Variants in IL17RD observed in about 807,000 individuals in gnomAD.
IL17RD encodes interleukin-17 receptor D.
In IL17RD, 52 loss-of-function variants were observed where a neutral mutation model predicts 80.5. That is an observed-to-expected ratio of 0.65 (90% CI 0.52 to 0.81). The LOEUF is 0.81. Ranked by LOEUF, IL17RD falls within the 40% of genes least tolerant of loss-of-function variation. The pLI is 0.00. For synonymous variants in IL17RD, 416 were observed against 391.8 expected (o/e 1.06, Z -0.73); for missense variants, 1,024 against 955.1 (o/e 1.07, Z -0.95).
chr3:57,155,252 G>A (rs953725517), intron 1 of IL17RD, among the ~76,000 whole-genome samples: 2 of 152,228 alleles, frequency 1.3e-5, no homozygotes, highest in African/African-American at 2.4e-5. Flanking sequence ...GATTTGTTCC[G>A]TTCACATCGT....
chr3:57,130,948 G>A (rs780494535), intron 1 of IL17RD, among the ~76,000 whole-genome samples: 4 of 152,136 alleles, frequency 2.6e-5, no homozygotes, highest in Non-Finnish European at 4.4e-5. Flanking sequence ...CCTGGGAGCC[G>A]GACACAGCAA....
intron 1 of IL17RD, among the ~76,000 whole-genome samples, chr3:57,141,872 C>T (rs957563578): frequency 1.3e-5 from 2 of 152,210 alleles, no homozygotes; most frequent in African/African-American, 4.8e-5. Context: ...TCTTCCACCG[C>T]AGGCCTTGGG....
At chr3:57,162,858 A>T (rs1024337453) in intron 1 of IL17RD, among the ~76,000 whole-genome samples, 4 of 152,206 alleles carry the variant, frequency 2.6e-5, no homozygotes, top group Non-Finnish European at 5.9e-5. Flanking sequence ...GTCTGATGAG[A>T]CTAAAGTGCA....
intron 1 of IL17RD, chr3:57,134,481 G>C: frequency 1.1e-6 from 1 of 940,894 alleles, no homozygotes; most frequent in Non-Finnish European, 1.7e-6. Context: ...TAAGAAGATT[G>C]ATCACCACAC....
intron 11 of IL17RD, among the ~76,000 whole-genome samples, chr3:57,100,742 A>G (rs1452985729): frequency 1.3e-5 from 2 of 152,072 alleles, no homozygotes; most frequent in African/African-American, 4.8e-5. Flanking sequence ...TCCCCTTCTC[A>G]GCAGAACTCC....
chr3:57,099,310 C>T (rs527385904), intron 11 of IL17RD, among the ~76,000 whole-genome samples: 6 of 152,306 alleles, frequency 3.9e-5, no homozygotes, highest in East Asian at 1.9e-4. Flanking sequence ...CCCCCAAAGG[C>T]GGTCTGGTAG....
chr3:57,110,565 G>C (rs946721382), intron 3 of IL17RD, among the ~76,000 whole-genome samples: 33 of 152,138 alleles, frequency 2.2e-4, no homozygotes, highest in Non-Finnish European at 4.0e-4. Context: ...AATACCTATT[G>C]CCTCTCTGGC....
chr3:57,169,367 T>C, upstream of IL17RD: 1 of 410,532 alleles, frequency 2.4e-6, no homozygotes, highest in Non-Finnish European at 5.0e-6. Flanking sequence ...CAAGAGACTG[T>C]CACCACCTCC....
rs1706707689 is a variant in IL17RD at position 57,097,557 on chromosome 3, G to T, written c.2107+39C>A. ...ACTGATTTCAGAAGCATGGTCAAAG[G>T]CTGCGGCCTGTTAGGACCCGGCCCC... On this transcript the variant is annotated intron_variant, in intron 12 of 12. Transcript: ENST00000296318. 2.7e-6 allele frequency: 4 copies of T among 1,461,616 alleles called. No homozygotes were observed. In the East Asian group the frequency reaches 9.8e-5, roughly 36 times the overall value. The allele number at this position is 1,461,616 out of a possible 1,614,324, so 90.5% of individuals were successfully genotyped here.
Position 57,090,667 on chromosome 3 carries a change from A to T in IL17RD, c.*5726T>A, listed in dbSNP as rs1706534645. ...TGATCCGCCCACCTTGGCCTCCCAA[A>T]ATGCTGGGATTACAGGCGTGAGCCA... On this transcript the variant is annotated 3_prime_UTR_variant, in exon 13 of 13. Coordinates refer to ENST00000296318, the MANE Select transcript of IL17RD (RefSeq NM_017563.5). 1 of 152,244 alleles carries T rather than the reference A, an allele frequency of 6.6e-6. No individual in the cohort carries two copies. The highest frequency in any genetic ancestry group is 1.5e-5 in the Non-Finnish European group (1 of 68,058). The allele number at this position is 152,244 out of a possible 1,614,324, so 9.4% of individuals were successfully genotyped here.
At chr3:57,155,099 TG>T (rs1220706966) in intron 1 of IL17RD, among the ~76,000 whole-genome samples, 1 of 152,196 alleles carries the variant, frequency 6.6e-6, no homozygotes, top group African/African-American at 2.4e-5. Flanking sequence ...AGAGCACCTC[TG>T]ATTATGGACA....
intron 2 of IL17RD, among the ~76,000 whole-genome samples, chr3:57,118,213 A>C (rs1707259220): frequency 6.6e-6 from 1 of 152,182 alleles, no homozygotes; most frequent in Non-Finnish European, 1.5e-5. Context: ...TGGATGTGCA[A>C]ATCTTTCATT....
rs771964220 is a variant in IL17RD at position 57,098,208 on chromosome 3, T to G, written c.1495A>C (p.Arg499=). 6.2e-7 allele frequency: 1 copy of G among 1,613,942 alleles called. No individual in the cohort carries two copies. The highest frequency in any genetic ancestry group is 8.5e-7 in the Non-Finnish European group (1 of 1,179,858). Residue 499 remains arginine (R), a synonymous_variant, in exon 12 of 13, where the codon AGA becomes CGA. Transcript: ENST00000296318. ...AGCTGAGGAAGATTGTCCATGAGTC[T>G]GTACTTGGTACTCAGGTCTAGGATA... ...PGILDLSTKY[R]LMDNLPQLCS...
chr3:57,144,868 T>C (rs1707895288), intron 1 of IL17RD, among the ~76,000 whole-genome samples: 2 of 152,202 alleles, frequency 1.3e-5, no homozygotes, highest in Non-Finnish European at 2.9e-5. Context: ...TGCTTCATGT[T>C]GGGGTTCCCA....
chr3:57,157,769 A>G (rs2060278307), intron 1 of IL17RD, among the ~76,000 whole-genome samples: 1 of 152,218 alleles, frequency 6.6e-6, no homozygotes, highest in South Asian at 2.1e-4. Flanking sequence ...AAGGGTTTCT[A>G]AACCATATGG....
At chr3:57,097,550 G>T in intron 12 of IL17RD, 46 bp downstream of exon 12, 1 of 1,448,870 alleles carries the variant, frequency 6.9e-7, no homozygotes, top group Non-Finnish European at 9.5e-7. Flanking sequence ...CAGAAGCATG[G>T]TCAAAGGCTG....
chr3:57,111,983 G>GAA lies in IL17RD; in HGVS notation c.311-1674_311-1673dup, dbSNP rs200325464. Among the ~76,000 whole-genome samples, 202 of 150,462 alleles carry GAA rather than the reference G, an allele frequency of 1.3e-3. 1 individual carries two copies. The highest frequency in any genetic ancestry group is 4.8e-3 in the African/African-American group (196 of 41,018). ...TCTCAAAAAAAAAAAAAGAAAGAAA[G>GAA]AAAAAAAAATTCATCAGTTGGGGTG... On this transcript the variant is annotated intron_variant, in intron 3 of 12. Transcript: ENST00000296318.
chr3:57,096,159 C>T lies in IL17RD; in HGVS notation c.*234G>A. On this transcript the variant is annotated 3_prime_UTR_variant, in exon 13 of 13. Coordinates refer to ENST00000296318, the MANE Select transcript of IL17RD (RefSeq NM_017563.5). ...CTAACCAAATTTGGCAAGCTGTTGT[C>T]AGACCTTATGGACATGCCTTTCAGA... is the stretch of plus-strand genomic sequence containing the variant. 1 of 510,036 alleles carries T rather than the reference C, an allele frequency of 2.0e-6. No homozygotes were observed. Among genetic ancestry groups the T allele is most frequent in the Non-Finnish European group, 3.6e-6 (1 of 281,048 alleles). 31.6% of individuals were successfully genotyped at this position (510,036 alleles called of 1,614,324 possible). A position where few individuals can be genotyped will look rare whatever the true frequency, so the allele number is the denominator to read the frequency against.
intron 1 of IL17RD, among the ~76,000 whole-genome samples, chr3:57,124,896 A>G (rs1235462149): frequency 6.6e-6 from 1 of 152,028 alleles, no homozygotes; most frequent in Non-Finnish European, 1.5e-5. Context: ...TCCCCAACCC[A>G]AGCTTCAGGC....
Sources: gnomAD v4.1 joint callset for allele counts (sites outside exome capture counted in the v4.1 genomes callset) on GRCh38, gnomAD v4.1.1 for gene constraint, MANE v1.5 for transcripts, NCBI Gene and HGNC (gene_info 2026-07-23, HGNC 2026-07-21) for gene names.